Variants in SARNP observed in about 807,000 individuals in gnomAD.
The protein encoded by SARNP is SAP domain containing ribonucleoprotein.
A neutral mutation model predicts 38.1 loss-of-function variants in SARNP; 5 were observed. The observed-to-expected ratio is 0.13, with a 90% CI of 0.07 to 0.28. The LOEUF is 0.28. Among genes scored for constraint, SARNP ranks in the 10% least tolerant of loss-of-function variants. The pLI is 1.00. For missense variants in SARNP, 180 were observed against 243.9 expected (o/e 0.74, Z 1.75); for synonymous variants, 84 against 80.6 (o/e 1.04, Z -0.23).
chr12:55,773,985 GGC>G (rs1879087045), intron 9 of SARNP, among the ~76,000 whole-genome samples: 1 of 152,042 alleles, frequency 6.6e-6, no homozygotes, highest in Non-Finnish European at 1.5e-5. Flanking sequence ...TAGGATTACA[GGC>G]ATGAGCCAAT....
chr12:55,788,612 CATAGCAA>C (rs1490291566), intron 9 of SARNP, among the ~76,000 whole-genome samples: 9 of 151,986 alleles, frequency 5.9e-5, no homozygotes, highest in African/African-American at 2.2e-4. Flanking sequence ...GCTTGGGTAA[CATAGCAA>C]AATCCCGTCT....
At chr12:55,765,471 A>G (rs1878801472) in intron 9 of SARNP, among the ~76,000 whole-genome samples, 1 of 151,540 alleles carries the variant, frequency 6.6e-6, no homozygotes, top group Non-Finnish European at 1.5e-5. Flanking sequence ...TAGCCTCCTC[A>G]GTAGCTAAGA....
At chr12:55,771,726 C>T (rs1442451011) in intron 9 of SARNP, among the ~76,000 whole-genome samples, 1 of 152,088 alleles carries the variant, frequency 6.6e-6, no homozygotes, top group Non-Finnish European at 1.5e-5. Context: ...AGTTACCATA[C>T]TAAGATGTTA....
intron 9 of SARNP, among the ~76,000 whole-genome samples, chr12:55,774,559 G>GAAAAAAAA (rs71074857): frequency 1.2e-5 from 1 of 85,898 alleles, no homozygotes; most frequent in Non-Finnish European, 2.0e-5. Flanking sequence ...CGTCTCTACT[G>GAAAAAAAA]AAAAAAAAAA....
At chr12:55,810,902 C>T (rs1313772471) in intron 1 of SARNP, among the ~76,000 whole-genome samples, 4 of 151,758 alleles carry the variant, frequency 2.6e-5, no homozygotes, top group African/African-American at 4.8e-5. Flanking sequence ...CATGGTGAAA[C>T]TCTGTCTCTA....
rs1042519726 is a variant in SARNP, at chr12:55,803,617, C to G, written c.136+12G>C. 7.1e-6 allele frequency: 11 copies of G among 1,557,800 alleles called. No homozygotes were observed. The highest frequency in any genetic ancestry group is 9.7e-6 in the Non-Finnish European group (11 of 1,137,166). On this transcript the variant is annotated intron_variant, in intron 2 of 10. Transcript: ENST00000336133. ...CCTCACTCACATCACTCCGCCTCCACAAAGTACTCACCATGTTCTTCAAGA... is the reference window on the plus strand; with the variant it reads ...CCTCACTCACATCACTCCGCCTCCAGAAAGTACTCACCATGTTCTTCAAGA...
At chr12:55,787,285 C>G (rs191167782) in intron 9 of SARNP, among the ~76,000 whole-genome samples, 2 of 143,456 alleles carry the variant, frequency 1.4e-5, no homozygotes, top group African/African-American at 5.6e-5. Context: ...AAAGATGGAA[C>G]AAAGTTGTGC....
At chr12:55,774,169 ATTGT>A (rs1345505797) in intron 9 of SARNP, among the ~76,000 whole-genome samples, 2 of 151,580 alleles carry the variant, frequency 1.3e-5, no homozygotes, top group African/African-American at 4.9e-5. Context: ...CACCCAGCTA[ATTGT>A]TTATTTTCTT....
chr12:55,803,019 T>C (rs1232874360), intron 2 of SARNP, among the ~76,000 whole-genome samples: 1 of 150,242 alleles, frequency 6.7e-6, no homozygotes, highest in Non-Finnish European at 1.5e-5. Context: ...AATGAAAACA[T>C]TCTACAAAAC....
In SARNP at chr12:55,789,140, T is replaced by C. The variant is rs1879590236; in HGVS notation, c.436A>G (p.Asn146Asp). Reference sequence around the variant, plus strand: ...GCTCTTTCCTTCAGCTTATCCAAGTTAACCTATAAAAACATAGGGGAAAGA... The same window carrying C: ...GCTCTTTCCTTCAGCTTATCCAAGTCAACCTATAAAAACATAGGGGAAAGA... The part of the protein sequence containing the change: ...GLSSDNKPMV[N>D]LDKLKERAQR... Residue 146 changes from asparagine to aspartate, a missense_variant, in exon 9 of 11, where the codon AAC becomes GAC. Around this residue, in one of 2 missense-constraint regions of SARNP, gnomAD observed 161 missense variants for 194.1 expected, o/e 0.83. Coordinates refer to ENST00000336133, the MANE Select transcript of SARNP (RefSeq NM_033082.4). 6.3e-7 allele frequency: 1 copy of C among 1,588,914 alleles called. No homozygotes were observed. Among genetic ancestry groups the C allele is most frequent in the African/African-American group, 1.4e-5 (1 of 73,514 alleles).
chr12:55,768,349 C>T (rs1339852100), intron 9 of SARNP, among the ~76,000 whole-genome samples: 3 of 151,676 alleles, frequency 2.0e-5, no homozygotes, highest in South Asian at 2.1e-4. Flanking sequence ...TGGCTGGTCT[C>T]GAACTCCTGA....
At chr12:55,787,684 C>T (rs1879542964) in intron 9 of SARNP, among the ~76,000 whole-genome samples, 1 of 152,108 alleles carries the variant, frequency 6.6e-6, no homozygotes, top group Non-Finnish European at 1.5e-5. Context: ...GATCTGCCCA[C>T]CTCAGCCTCC....
Position 55,763,039 on chromosome 12 carries a change from A to T in SARNP, c.502-2399T>A, listed in dbSNP as rs186820491. On this transcript the variant is annotated intron_variant, in intron 9 of 10. Transcript: ENST00000336133. The stretch of plus-strand genomic sequence containing the variant: ...AAGAATCCTATACAAGTTATCATTT[A>T]ATCACAGTTTATTACTAGAATAAAC... Among the ~76,000 whole-genome samples, 477 of 152,292 alleles carry T rather than the reference A, an allele frequency of 3.1e-3. 2 individuals carry two copies. The highest frequency in any genetic ancestry group is 0.011 in the African/African-American group (440 of 41,550).
chr12:55,782,721 G>C (rs555045792), intron 9 of SARNP, among the ~76,000 whole-genome samples: 1 of 152,118 alleles, frequency 6.6e-6, no homozygotes, highest in Non-Finnish European at 1.5e-5. Flanking sequence ...TAAGTAGCTG[G>C]GACCACAGGC....
Position 55,760,419 on chromosome 12 carries a change from A to G in SARNP, c.591+132T>C. 5 of 613,584 alleles carry G rather than the reference A, an allele frequency of 8.1e-6. No homozygotes were observed. The East Asian group carries it at 1.4e-4, about 17-fold the overall frequency. 38.0% of individuals were successfully genotyped at this position (613,584 alleles called of 1,614,324 possible). ...TATTCACTCTCACTTCCTGGGCAAC[A>G]GAGACCCCAACTCGACTTAAATAAG... On this transcript the variant is annotated intron_variant, in intron 10 of 10. Coordinates refer to ENST00000336133, the MANE Select transcript of SARNP (RefSeq NM_033082.4).
At chr12:55,765,749 C>T (rs1027303797) in intron 9 of SARNP, among the ~76,000 whole-genome samples, 4 of 152,032 alleles carry the variant, frequency 2.6e-5, no homozygotes, top group Non-Finnish European at 5.9e-5. Flanking sequence ...AACAACAATA[C>T]ATCGTTCCCC....
chr12:55,769,343 T>C (rs556800860), intron 9 of SARNP, among the ~76,000 whole-genome samples: 2 of 152,216 alleles, frequency 1.3e-5, no homozygotes, highest in African/African-American at 4.8e-5. Context: ...ATCAATAAGA[T>C]AAAGTTAAGG....
At chr12:55,769,201 G>T (rs1411500840) in intron 9 of SARNP, among the ~76,000 whole-genome samples, 4 of 152,156 alleles carry the variant, frequency 2.6e-5, no homozygotes, top group African/African-American at 9.7e-5. Flanking sequence ...GGCCCCTGAG[G>T]AATCTCTTTC....
chr12:55,792,370 A>G (rs903251294), intron 7 of SARNP, among the ~76,000 whole-genome samples: 8 of 151,532 alleles, frequency 5.3e-5, no homozygotes, highest in African/African-American at 1.9e-4. Context: ...AAAAGGGGCT[A>G]TGTTCTTTTT....
Sources: allele counts gnomAD v4.1 joint callset (sites outside exome capture counted in the v4.1 genomes callset), GRCh38; gene constraint gnomAD v4.1.1; regional missense constraint gnomAD v4.1.1; transcripts MANE v1.5; gene names NCBI Gene and HGNC (gene_info 2026-07-23, HGNC 2026-07-21).